The following KCNQ5 variants were observed in gnomAD, a reference collection of about 807,000 sequenced individuals.
KCNQ5 encodes the protein potassium voltage-gated channel subfamily KQT member 5.
A neutral mutation model predicts 98.2 loss-of-function variants in KCNQ5; 30 were observed. That is an observed-to-expected ratio of 0.31 (90% confidence interval 0.23 to 0.41). The LOEUF (loss-of-function observed/expected upper bound fraction) is 0.41. Ranked by LOEUF, KCNQ5 falls within the 10% of genes least tolerant of loss-of-function variation. The pLI is 1.00. For missense variants in KCNQ5, 835 were observed against 1,182.5 expected, an observed-to-expected ratio of 0.71 and a Z score of 4.31; for synonymous variants, 458 against 449.4, an observed-to-expected ratio of 1.02 and a Z score of -0.24.
chr6:73,133,659 A>T lies in KCNQ5; in HGVS notation c.1468+18A>T. 1 of 1,609,498 alleles carries T rather than the reference A, an allele frequency of 6.2e-7. No homozygotes were observed. The highest frequency in any genetic ancestry group is 8.5e-7 in the Non-Finnish European group (1 of 1,175,962). On this transcript the variant is annotated intron_variant, in intron 10 of 13. Transcript: ENST00000370398. ...GATAGATGGTAAGCCCTGTTTTTCC[A>T]TAACCATTTTTAATTGGATAGGCTA...
rs138952209 is a variant in KCNQ5, at chr6:72,924,643, A to G, written c.399-79265A>G. The stretch of plus-strand genomic sequence containing the variant: ...ACCCTTGCCTTCCCTTCCCAGAGCT[A>G]TGCAGTATTCTTCTCTCTCACCCTC... On this transcript the variant is annotated intron_variant, in intron 1 of 13. Transcript: ENST00000370398. Among the ~76,000 whole-genome samples the G allele has an allele frequency of 3.6e-3, 546 of 151,748 alleles. 2 individuals carry two copies. Among genetic ancestry groups the G allele is most frequent in the Middle Eastern group, 0.014 (4 of 294 alleles).
At chr6:72,692,393 A>T (rs1180783051) in intron 1 of KCNQ5, among the ~76,000 whole-genome samples, 1 of 152,236 alleles carries the variant, frequency 6.6e-6, no homozygotes, top group Non-Finnish European at 1.5e-5. Context: ...CTGCAGCAGC[A>T]TTCCTTCCAT....
rs59667709 is a variant in KCNQ5 at position 72,725,645 on chromosome 6, C to T, written c.398+103058C>T. On this transcript the variant is annotated intron_variant, in intron 1 of 13. Transcript: ENST00000370398. ...TATAATAAAAATGCATTGTATGTTT[C>T]AAACTTGCTAAAGGATGAGATTTTA... Among the ~76,000 whole-genome samples, 21 of 152,188 alleles carry T rather than the reference C, an allele frequency of 1.4e-4. No homozygotes were observed. The East Asian group carries it at 3.3e-3, about 24-fold the overall frequency.
intron 2 of KCNQ5, among the ~76,000 whole-genome samples, chr6:73,019,495 A>G (rs1770492936): frequency 6.6e-6 from 1 of 152,180 alleles, no homozygotes; most frequent in Non-Finnish European, 1.5e-5. Context: ...CATCAACAAC[A>G]CAAACTAAGT....
chr6:73,057,432 A>G (rs1251584078), intron 3 of KCNQ5, among the ~76,000 whole-genome samples: 5 of 152,220 alleles, frequency 3.3e-5, no homozygotes. Context: ...ATACATGTGT[A>G]ACAAATCTGC....
intron 3 of KCNQ5, among the ~76,000 whole-genome samples, chr6:73,046,522 C>A (rs957376269): frequency 1.3e-5 from 2 of 151,898 alleles, no homozygotes; most frequent in South Asian, 4.1e-4. Context: ...CTACTTTAAG[C>A]ACTTTATAAA....
chr6:73,178,589 C>T (rs930438105), intron 11 of KCNQ5, among the ~76,000 whole-genome samples: 1 of 151,668 alleles, frequency 6.6e-6, no homozygotes, highest in East Asian at 1.9e-4. Context: ...TATCTGCTTG[C>T]CCCTACAGTG....
At chr6:72,784,234 C>A (rs1029229611) in intron 1 of KCNQ5, among the ~76,000 whole-genome samples, 2 of 152,146 alleles carry the variant, frequency 1.3e-5, no homozygotes, top group African/African-American at 4.8e-5. Flanking sequence ...ACTGTGCTTC[C>A]AAACCACCAC....
intron 10 of KCNQ5, among the ~76,000 whole-genome samples, chr6:73,139,281 C>G (rs1207231116): frequency 1.3e-5 from 2 of 152,198 alleles, no homozygotes; most frequent in African/African-American, 2.4e-5. Context: ...GAGGATGGGA[C>G]CGCCATCATT....
chr6:72,682,747 G>A (rs529250901), intron 1 of KCNQ5, among the ~76,000 whole-genome samples: 186 of 152,318 alleles, frequency 1.2e-3, no homozygotes, highest in Non-Finnish European at 2.1e-3. Context: ...TTAGGAACAA[G>A]GGTGGGACTG....
intron 1 of KCNQ5, among the ~76,000 whole-genome samples, chr6:72,686,159 A>G (rs1767941813): frequency 6.6e-6 from 1 of 152,222 alleles, no homozygotes; most frequent in Non-Finnish European, 1.5e-5. Flanking sequence ...GCTTCAACAT[A>G]TGAACTTTAA....
intron 9 of KCNQ5, 100 bp from the exon 10 acceptor site, chr6:73,133,321 T>G: frequency 1.0e-6 from 1 of 961,834 alleles, no homozygotes; most frequent in Non-Finnish European, 1.6e-6. Context: ...ACATCTTGTC[T>G]ATTGAAATAT....
chr6:72,980,179 T>C (rs567746096), intron 1 of KCNQ5, among the ~76,000 whole-genome samples: 1 of 152,312 alleles, frequency 6.6e-6, no homozygotes, highest in African/African-American at 2.4e-5. Context: ...TGGTTCCATA[T>C]GAACTTTAAA....
chr6:72,979,126 C>T (rs528452979), intron 1 of KCNQ5, among the ~76,000 whole-genome samples: 6 of 152,092 alleles, frequency 3.9e-5, no homozygotes, highest in African/African-American at 9.7e-5. Flanking sequence ...TGAATAGTGC[C>T]GCAGTAAACA....
At chr6:73,062,077 A>G (rs921640144) in intron 3 of KCNQ5, among the ~76,000 whole-genome samples, 2 of 152,140 alleles carry the variant, frequency 1.3e-5, no homozygotes, top group African/African-American at 4.8e-5. Flanking sequence ...GTACTTTTTG[A>G]GTCTGGAGTC....
chr6:72,764,111 G>A (rs1165373246), intron 1 of KCNQ5, among the ~76,000 whole-genome samples: 1 of 151,932 alleles, frequency 6.6e-6, no homozygotes, highest in Non-Finnish European at 1.5e-5. Flanking sequence ...TAGAAAGGCT[G>A]CATTTGCCAA....
intron 7 of KCNQ5, among the ~76,000 whole-genome samples, chr6:73,112,481 G>A (rs1775288316): frequency 6.6e-6 from 1 of 152,052 alleles, no homozygotes; most frequent in African/African-American, 2.4e-5. Context: ...GAGTAGCTGG[G>A]ACTACAGGCA....
intron 1 of KCNQ5, among the ~76,000 whole-genome samples, chr6:72,644,245 T>C (rs1280339400): frequency 1.3e-5 from 2 of 152,200 alleles, no homozygotes; most frequent in Admixed American, 6.5e-5. Context: ...CATAACCTTA[T>C]TTTATGTGTG....
intron 1 of KCNQ5, among the ~76,000 whole-genome samples, chr6:72,903,568 G>C (rs936512123): frequency 3.9e-5 from 6 of 151,996 alleles, no homozygotes; most frequent in Admixed American, 3.3e-4. Context: ...TTTAACTTCT[G>C]TCTTGATTTC....
Sources: allele counts gnomAD v4.1 joint callset (sites outside exome capture counted in the v4.1 genomes callset), GRCh38; gene constraint gnomAD v4.1.1; transcripts MANE v1.5; gene names NCBI Gene and HGNC (gene_info 2026-07-23, HGNC 2026-07-21).